POLD3: variants seen among roughly 807,000 people sequenced by gnomAD.
POLD3 encodes the protein DNA polymerase delta 3, accessory subunit, also known as DNA polymerase delta subunit 3.
Under a neutral mutation model 58.2 loss-of-function variants are expected in POLD3, and 19 were observed. The observed-to-expected ratio is 0.33, with a 90% CI of 0.23 to 0.48. POLD3 has a LOEUF of 0.48. Ranked by LOEUF, POLD3 falls within the 20% of genes least tolerant of loss-of-function variation. The pLI, the probability that POLD3 is intolerant of heterozygous loss-of-function variation, is 0.99. For synonymous variants in POLD3, 172 were observed against 193.5 expected (o/e 0.89, Z 0.92); for missense variants, 504 against 545.5 (o/e 0.92, Z 0.76).
At position 74,624,127 on chromosome 11, in the gene POLD3, TGATA is replaced by T. The variant is rs145406082; in HGVS notation, c.734-1277_734-1274del. On this transcript the variant is annotated intron_variant, in intron 7 of 11. Coordinates refer to ENST00000263681, the MANE Select transcript of POLD3 (RefSeq NM_006591.3). The stretch of plus-strand genomic sequence containing the variant: ...TGCTATTAAAACAATATAATTTATG[TGATA>T]GATTGCAAAATTTGCATAAATTTTA... Among the ~76,000 whole-genome samples, 1,403 of 152,340 alleles carry T rather than the reference TGATA, an allele frequency of 9.2e-3. 19 individuals are homozygous for T. The highest frequency in any genetic ancestry group is 0.032 in the African/African-American group (1,330 of 41,578).
At chr11:74,614,721 A>T (rs1591301143) in intron 5 of POLD3, among the ~76,000 whole-genome samples, 1 of 146,362 alleles carries the variant, frequency 6.8e-6, no homozygotes, top group Non-Finnish European at 1.5e-5. Context: ...AAAAAAAAAA[A>T]CCTCGATGTA....
chr11:74,609,543 G>A (rs988253611), intron 3 of POLD3, among the ~76,000 whole-genome samples: 2 of 150,860 alleles, frequency 1.3e-5, no homozygotes, highest in Non-Finnish European at 3.0e-5. Context: ...GCCACGCCCT[G>A]CTAATTTTTT....
intron 1 of POLD3, 76 bp downstream of exon 1, chr11:74,592,794 C>CCTCT: frequency 6.3e-7 from 1 of 1,587,044 alleles, no homozygotes. Flanking sequence ...GAGCCTTGAC[C>CCTCT]CTCTGTCTGC....
At chr11:74,667,901 A>T (rs4944933) in intron 4 of POLD3, among the ~76,000 whole-genome samples, 32,749 of 152,262 alleles carry the variant, frequency 0.22, 3,812 homozygotes, top group Middle Eastern at 0.31. Context: ...AAAATTGGCA[A>T]AGGGTCTGAA....
At chr11:74,629,354 G>A in intron 9 of POLD3, 31 bp downstream of exon 9, 2 of 1,266,328 alleles carry the variant, frequency 1.6e-6, no homozygotes, top group Non-Finnish European at 2.3e-6. Flanking sequence ...TGGGTTAGGG[G>A]GATCAATTTT....
chr11:74,647,026 C>T (rs1247038062), downstream of POLD3, among the ~76,000 whole-genome samples: 4 of 152,188 alleles, frequency 2.6e-5, no homozygotes, highest in Non-Finnish European at 4.4e-5. Flanking sequence ...TAGTTAGATT[C>T]GCATAAGGAG....
At chr11:74,646,575 G>A (rs1375189827), downstream of POLD3, among the ~76,000 whole-genome samples, 1 of 152,220 alleles carries the variant, frequency 6.6e-6, no homozygotes, top group Admixed American at 6.5e-5. Context: ...TCCAAATAGA[G>A]CATACTGCTG....
At chr11:74,615,102 C>G (rs1046644584) in intron 5 of POLD3, among the ~76,000 whole-genome samples, 2 of 152,176 alleles carry the variant, frequency 1.3e-5, no homozygotes, top group African/African-American at 4.8e-5. Context: ...AAGTAAAACT[C>G]TAGGCCAAAG....
At chr11:74,632,906 AC>A (rs2032636293) in intron 9 of POLD3, among the ~76,000 whole-genome samples, 1 of 150,296 alleles carries the variant, frequency 6.7e-6, no homozygotes, top group Non-Finnish European at 1.5e-5. Context: ...ACACACACAC[AC>A]ACACACACAC....
At chr11:74,616,258 T>C (rs907432515) in intron 5 of POLD3, among the ~76,000 whole-genome samples, 4 of 152,222 alleles carry the variant, frequency 2.6e-5, no homozygotes, top group African/African-American at 9.6e-5. Flanking sequence ...TAAAGTATCC[T>C]CAGTAGAAAA....
chr11:74,662,474 T>C (rs888562741), intron 4 of POLD3, among the ~76,000 whole-genome samples: 3 of 152,120 alleles, frequency 2.0e-5, no homozygotes, highest in Non-Finnish European at 4.4e-5. Context: ...TCTAGAAATA[T>C]CTGGGAGCTA....
At chr11:74,629,354 G>C in intron 9 of POLD3, 31 bp downstream of exon 9, 6 of 1,266,330 alleles carry the variant, frequency 4.7e-6, no homozygotes, top group Non-Finnish European at 5.6e-6. Flanking sequence ...TGGGTTAGGG[G>C]GATCAATTTT....
At chr11:74,609,441 G>T (rs1412013905) in intron 3 of POLD3, among the ~76,000 whole-genome samples, 2 of 135,688 alleles carry the variant, frequency 1.5e-5, no homozygotes, top group Non-Finnish European at 3.0e-5. Context: ...GAGTGCAGTG[G>T]CGTGATCTCA....
rs544928816 is a variant in POLD3 at position 74,666,212 on chromosome 11, T to C, written c.370-2565T>C. Among the ~76,000 whole-genome samples, 12 of 152,346 alleles carry C rather than the reference T, an allele frequency of 7.9e-5. No homozygotes were observed. The East Asian group carries it at 2.3e-3, about 29-fold the overall frequency. On this transcript the variant is annotated intron_variant, in intron 4 of 4. Transcript: ENST00000524752. ...CAACGAAGTGCAAAGCTTATATAAA[T>C]TCTGAAATCTACAAAGCATTGTTTA...
At chr11:74,598,307 C>T (rs539975364) in intron 2 of POLD3, among the ~76,000 whole-genome samples, 7 of 152,004 alleles carry the variant, frequency 4.6e-5, no homozygotes, top group Non-Finnish European at 8.8e-5. Flanking sequence ...CATGGGTATA[C>T]GGTTATCCCA....
At chr11:74,653,333 A>ACACACACACACACACACACG (rs58331480) in intron 4 of POLD3, among the ~76,000 whole-genome samples, 158 of 151,810 alleles carry the variant, frequency 1.0e-3, no homozygotes, top group South Asian at 4.0e-3. Context: ...ACACACACAC[A>ACACACACACACACACACACG]TAGTGTGGTC....
At chr11:74,611,194 C>T (rs967638286) in intron 3 of POLD3, among the ~76,000 whole-genome samples, 2 of 152,146 alleles carry the variant, frequency 1.3e-5, no homozygotes, top group African/African-American at 4.8e-5. Flanking sequence ...TTAAATCACT[C>T]ACTAAAAAGC....
chr11:74,632,149 G>C (rs1329090660), intron 9 of POLD3, among the ~76,000 whole-genome samples: 2 of 152,148 alleles, frequency 1.3e-5, no homozygotes. Context: ...TTAAGCAAAT[G>C]ATCCCCATTT....
chr11:74,594,377 A>G (rs999143474), intron 2 of POLD3, among the ~76,000 whole-genome samples: 3 of 152,200 alleles, frequency 2.0e-5, no homozygotes, highest in African/African-American at 2.4e-5. Flanking sequence ...CCCTACTCCA[A>G]TATGACCTTG....
Sources: allele counts gnomAD v4.1 joint callset (sites outside exome capture counted in the v4.1 genomes callset), GRCh38; gene constraint gnomAD v4.1.1; transcripts MANE v1.5; gene names NCBI Gene and HGNC (gene_info 2026-07-23, HGNC 2026-07-21).